Variants in ING3 observed in about 807,000 individuals in gnomAD.
The protein encoded by ING3 is inhibitor of growth protein 3.
In ING3, 6 loss-of-function variants were observed where a neutral mutation model predicts 64.8. The ratio of observed to expected loss-of-function variants is 0.09; its 90% CI spans 0.05 to 0.18. The LOEUF (loss-of-function observed/expected upper bound fraction) is 0.18, where lower values mean the gene tolerates loss of function less well. Among genes scored for constraint, ING3 ranks in the 10% least tolerant of loss-of-function variants. The pLI, the probability that ING3 is intolerant of heterozygous loss-of-function variation, is 1.00. For synonymous variants in ING3, 170 were observed against 173.7 expected (o/e 0.98, Z 0.17); for missense variants, 310 against 489.7 (o/e 0.63, Z 3.46).
Position 120,974,867 on chromosome 7 carries a change from A to C in ING3, c.*23A>C. 1 of 1,504,070 alleles carries C rather than the reference A, an allele frequency of 6.6e-7. No homozygotes were observed. Among genetic ancestry groups the C allele is most frequent in the Non-Finnish European group, 9.2e-7 (1 of 1,090,066 alleles). The allele number at this position is 1,504,070 out of a possible 1,614,324, so 93.2% of individuals were successfully genotyped here. A position where few individuals can be genotyped will look rare whatever the true frequency, so the allele number is the denominator to read the frequency against. ...TAAAGGTGGTCCTTTTGTTTGATGAAGAAATAAACTTCAGCTGAAGATTTT... is the reference window on the plus strand; with the variant it reads ...TAAAGGTGGTCCTTTTGTTTGATGACGAAATAAACTTCAGCTGAAGATTTT... On this transcript the variant is annotated 3_prime_UTR_variant, in exon 12 of 12. Coordinates refer to ENST00000315870, the MANE Select transcript of ING3 (RefSeq NM_019071.3).
rs768135056 is a variant in ING3, at chr7:120,970,775, A to G, written c.996A>G (p.Val332=). ...LSSCSSSSTV[V]QEISQQTTVV... Reference sequence around the variant, plus strand: ...CGTGTTCTTCATCATCAACTGTTGTACAAGAAATCTCTCAACAAACAACTG... The same window carrying G: ...CGTGTTCTTCATCATCAACTGTTGTGCAAGAAATCTCTCAACAAACAACTG... Residue 332 remains valine, a synonymous_variant, in exon 10 of 12, where the codon GTA becomes GTG. Transcript: ENST00000315870. The G allele has an allele frequency of 1.2e-6, 2 of 1,613,868 alleles. No individual in the cohort carries two copies. Among genetic ancestry groups the G allele is most frequent in the Non-Finnish European group, 1.7e-6 (2 of 1,179,764 alleles).
Position 120,954,951 on chromosome 7 carries a change from C to T in ING3, c.202-608C>T, listed in dbSNP as rs115092553. 4.7e-3 allele frequency among the ~76,000 whole-genome samples: 720 copies of T among 152,234 alleles called. 8 individuals carry two copies. Among genetic ancestry groups the T allele is most frequent in the African/African-American group, 0.016 (670 of 41,528 alleles). ...TACAAGTTAGATCAATTTTAGTTAA[C>T]TTTTTATTTTAAATACTGTTCATTA... On this transcript the variant is annotated intron_variant, in intron 3 of 11. Transcript: ENST00000315870.
In ING3 at chr7:120,968,231, A is replaced by G. The variant is rs28582920; in HGVS notation, c.714+140A>G. On this transcript the variant is annotated intron_variant, in intron 8 of 11. Coordinates refer to ENST00000315870, the MANE Select transcript of ING3 (RefSeq NM_019071.3). The stretch of plus-strand genomic sequence containing the variant: ...TTAAGTCATGATTTCACGATATGTG[A>G]TATTTTATTTAATGAAATAATACAT... 6.7e-3 allele frequency: 5,311 copies of G among 794,812 alleles called. 219 individuals are homozygous for G. In the African/African-American group the frequency reaches 0.081, roughly 12 times the overall value. The allele number at this position is 794,812 out of a possible 1,614,324, so 49.2% of individuals were successfully genotyped here.
intron 10 of ING3, among the ~76,000 whole-genome samples, chr7:120,971,604 A>T (rs902298271): frequency 5.9e-5 from 9 of 152,120 alleles, no homozygotes; most frequent in African/African-American, 1.7e-4. Flanking sequence ...GGTATACCGA[A>T]CATGATTTTT....
intron 7 of ING3, 50 bp downstream of exon 7, chr7:120,967,698 A>G: frequency 1.3e-6 from 2 of 1,519,896 alleles, no homozygotes; most frequent in Non-Finnish European, 8.9e-7. Flanking sequence ...GTGTTAGAGT[A>G]AGGGGAAATA....
At chr7:120,956,907 C>T in intron 4 of ING3, 2 of 652,370 alleles carry the variant, frequency 3.1e-6, no homozygotes, top group Non-Finnish European at 3.8e-6. Context: ...TGTTTTATTG[C>T]TTGTTAGACC....
intron 4 of ING3, 127 bp from the exon 5 acceptor site, chr7:120,964,615 T>C: frequency 1.5e-6 from 1 of 657,114 alleles, no homozygotes; most frequent in Non-Finnish European, 2.7e-6. Flanking sequence ...AGGCATAGAT[T>C]AATTGACTTG....
chr7:120,951,714 CTTAG>C (rs1795768701), intron 2 of ING3, among the ~76,000 whole-genome samples: 1 of 152,174 alleles, frequency 6.6e-6, no homozygotes, highest in South Asian at 2.1e-4. Context: ...ATTTTGAAAA[CTTAG>C]TTACACATTA....
chr7:120,951,797 C>G (rs1053452986), intron 2 of ING3, among the ~76,000 whole-genome samples: 10 of 152,210 alleles, frequency 6.6e-5, no homozygotes, highest in African/African-American at 2.4e-4. Context: ...TTAGATTTCA[C>G]TGTAAAGTTT....
intron 4 of ING3, among the ~76,000 whole-genome samples, chr7:120,960,267 A>G (rs1795913980): frequency 6.6e-6 from 1 of 152,166 alleles, no homozygotes; most frequent in Admixed American, 6.5e-5. Context: ...AAGGAGCAGC[A>G]TGAAAGGAAG....
At chr7:120,963,775 A>G (rs1483054913) in intron 4 of ING3, among the ~76,000 whole-genome samples, 1 of 152,168 alleles carries the variant, frequency 6.6e-6, no homozygotes, top group Non-Finnish European at 1.5e-5. Context: ...TTAGTTACAC[A>G]TTATTTAATT....
intron 2 of ING3, among the ~76,000 whole-genome samples, chr7:120,952,348 C>T (rs529768477): frequency 6.6e-6 from 1 of 152,152 alleles, no homozygotes; most frequent in South Asian, 2.1e-4. Context: ...AGAGAATCAT[C>T]CAAGGATTTA....
At chr7:120,964,983 G>T in intron 5 of ING3, 145 bp downstream of exon 5, 1 of 607,154 alleles carries the variant, frequency 1.6e-6, no homozygotes, top group Non-Finnish European at 2.9e-6. Context: ...CTAACAGTTG[G>T]AAATGTTTGG....
intron 3 of ING3, among the ~76,000 whole-genome samples, chr7:120,954,160 TCA>T (rs1051459915): frequency 4.6e-5 from 7 of 152,156 alleles, no homozygotes; most frequent in Non-Finnish European, 7.4e-5. Context: ...GCGTGGTGGC[TCA>T]CACCCATAAT....
intron 9 of ING3, 115 bp downstream of exon 9, chr7:120,969,319 G>T: frequency 1.5e-6 from 1 of 659,144 alleles, no homozygotes. Flanking sequence ...AATTAACCTT[G>T]CAGAGGTAGG....
intron 10 of ING3, 128 bp downstream of exon 10, chr7:120,971,008 C>T: frequency 2.0e-6 from 2 of 1,010,756 alleles, no homozygotes; most frequent in African/African-American, 1.6e-5. Flanking sequence ...TTTTCTCCCC[C>T]TTCTTACAAA....
In ING3 at chr7:120,967,519, T is replaced by G. The variant is rs368422941; in HGVS notation, c.437-10T>G. 8 of 1,510,942 alleles carry G rather than the reference T, an allele frequency of 5.3e-6. 1 individual carries two copies. In the South Asian group the frequency reaches 9.9e-5, roughly 19 times the overall value. The allele number at this position is 1,510,942 out of a possible 1,614,324, so 93.6% of individuals were successfully genotyped here. On this transcript the variant is annotated splice_polypyrimidine_tract_variant and intron_variant, in intron 6 of 11. Transcript: ENST00000315870. ...GTTTAAAAACACATGAATTTTTTATTTATATTTAGAAAGGAAATATAATCC... is the reference window on the plus strand; with the variant it reads ...GTTTAAAAACACATGAATTTTTTATGTATATTTAGAAAGGAAATATAATCC...
intron 10 of ING3, among the ~76,000 whole-genome samples, chr7:120,972,666 G>A (rs1796084077): frequency 6.6e-6 from 1 of 152,078 alleles, no homozygotes; most frequent in Admixed American, 6.6e-5. Flanking sequence ...CAGAAGATAT[G>A]CCATCTAGTT....
intron 4 of ING3, among the ~76,000 whole-genome samples, chr7:120,963,683 C>T (rs1795962761): frequency 1.3e-5 from 2 of 152,120 alleles, no homozygotes; most frequent in South Asian, 2.1e-4. Flanking sequence ...TCATCTGATG[C>T]GTCAAGCACA....
Sources: gnomAD v4.1 joint callset for allele counts (sites outside exome capture counted in the v4.1 genomes callset) on GRCh38, gnomAD v4.1.1 for gene constraint, MANE v1.5 for transcripts, NCBI Gene and HGNC (gene_info 2026-07-23, HGNC 2026-07-21) for gene names.